Variants in NRXN3 observed in about 807,000 individuals in gnomAD.
The protein encoded by NRXN3 is neurexin 3.
In NRXN3, 32 loss-of-function variants were observed where a neutral mutation model predicts 137.6. That is an observed-to-expected ratio of 0.23 (90% CI 0.18 to 0.31). The LOEUF (loss-of-function observed/expected upper bound fraction) is 0.31, where lower values mean the gene tolerates loss of function less well. Among genes scored for constraint, NRXN3 ranks in the 10% least tolerant of loss-of-function variants. The pLI is 1.00. For missense variants in NRXN3, 1,574 were observed against 2,062.5 expected (o/e 0.76, Z 4.59); for synonymous variants, 798 against 784.5 (o/e 1.02, Z -0.29).
chr14:79,395,800 C>T (rs2095003488), intron 15 of NRXN3, among the ~76,000 whole-genome samples: 1 of 143,650 alleles, frequency 7.0e-6, no homozygotes, highest in South Asian at 2.2e-4. Flanking sequence ...CAGAGCTAGA[C>T]TCCATCTCAA....
In NRXN3 at chr14:79,742,043, CAG is replaced by C. The variant is rs1318957340; in HGVS notation, c.4014+44109_4014+44110del. ...AGCCACTATTTACCTTAAAATGAAA[CAG>C]AGGGGAGCCTGATATATAATTACGG... On this transcript the variant is annotated intron_variant, in intron 19 of 20. Transcript: ENST00000335750. 2.6e-5 allele frequency among the ~76,000 whole-genome samples: 4 copies of C among 152,254 alleles called. No homozygotes were observed. In the East Asian group the frequency reaches 7.7e-4, roughly 29 times the overall value.
intron 15 of NRXN3, among the ~76,000 whole-genome samples, chr14:79,073,194 A>G (rs1392328776): frequency 6.6e-6 from 1 of 152,006 alleles, no homozygotes; most frequent in African/African-American, 2.4e-5. Flanking sequence ...GCCCGTCTCT[A>G]AGTTATTTTC....
chr14:78,223,605 C>T (rs773036232), intron 1 of NRXN3, among the ~76,000 whole-genome samples: 7 of 152,134 alleles, frequency 4.6e-5, no homozygotes, highest in African/African-American at 7.2e-5. Context: ...CAGGTTTCAG[C>T]GTTGGGTTGT....
At chr14:78,255,293 A>ACT (rs1284307898) in intron 2 of NRXN3, among the ~76,000 whole-genome samples, 2 of 152,030 alleles carry the variant, frequency 1.3e-5, no homozygotes, top group Admixed American at 1.3e-4. Context: ...AGAGTCACCA[A>ACT]CTCGTCTGTG....
At chr14:78,454,094 G>A (rs2094620185) in intron 4 of NRXN3, among the ~76,000 whole-genome samples, 1 of 152,194 alleles carries the variant, frequency 6.6e-6, no homozygotes, top group Admixed American at 6.5e-5. Flanking sequence ...TATTAGATGA[G>A]AGTCTACTGT....
At chr14:78,895,623 G>A (rs2099171201) in intron 10 of NRXN3, among the ~76,000 whole-genome samples, 1 of 151,810 alleles carries the variant, frequency 6.6e-6, no homozygotes. Flanking sequence ...TCACAACTAG[G>A]TTAACTGTTT....
chr14:78,409,697 A>G (rs1412557700), intron 4 of NRXN3, among the ~76,000 whole-genome samples: 2 of 152,200 alleles, frequency 1.3e-5, no homozygotes, highest in African/African-American at 2.4e-5. Flanking sequence ...ATAGAATGCA[A>G]TGGCAGGCAC....
At chr14:79,729,446 T>C (rs1451668429) in intron 19 of NRXN3, among the ~76,000 whole-genome samples, 3 of 152,190 alleles carry the variant, frequency 2.0e-5, no homozygotes, top group African/African-American at 7.2e-5. Context: ...CTATTAAGGA[T>C]GCAAGAAAAT....
chr14:79,701,818 T>G (rs2098755684), intron 19 of NRXN3, among the ~76,000 whole-genome samples: 1 of 151,992 alleles, frequency 6.6e-6, no homozygotes, highest in Non-Finnish European at 1.5e-5. Flanking sequence ...TATTATAAAG[T>G]AGGGAGGGTG....
chr14:79,202,709 T>C (rs2066225778), intron 15 of NRXN3, among the ~76,000 whole-genome samples: 1 of 152,178 alleles, frequency 6.6e-6, no homozygotes, highest in South Asian at 2.1e-4. Context: ...ATGCTGTGAA[T>C]TCATTCCTTT....
At chr14:78,315,604 TTTGTTGTAGTTC>T (rs1281027135) in intron 4 of NRXN3, among the ~76,000 whole-genome samples, 1 of 152,234 alleles carries the variant, frequency 6.6e-6, no homozygotes, top group Non-Finnish European at 1.5e-5. Context: ...TACGTAGATT[TTTGTTGTAGTTC>T]TTGTTTTAAG....
At chr14:79,317,382 G>C (rs1205385482) in intron 15 of NRXN3, among the ~76,000 whole-genome samples, 1 of 152,160 alleles carries the variant, frequency 6.6e-6, no homozygotes, top group East Asian at 1.9e-4. Flanking sequence ...TCACGGCCTT[G>C]TTGTCACATG....
intron 4 of NRXN3, among the ~76,000 whole-genome samples, chr14:78,639,757 T>C (rs2097602154): frequency 6.6e-6 from 1 of 152,170 alleles, no homozygotes; most frequent in Non-Finnish European, 1.5e-5. Context: ...AGCAATGGAA[T>C]GAAAATCATA....
intron 19 of NRXN3, among the ~76,000 whole-genome samples, chr14:79,735,261 A>T (rs983224092): frequency 6.6e-6 from 1 of 152,238 alleles, no homozygotes; most frequent in Non-Finnish European, 1.5e-5. Flanking sequence ...TTGTACACCA[A>T]TCAGGGAAAA....
At chr14:79,769,836 T>A (rs554832741) in intron 19 of NRXN3, among the ~76,000 whole-genome samples, 100 of 152,074 alleles carry the variant, frequency 6.6e-4, no homozygotes, top group African/African-American at 2.2e-3. Flanking sequence ...GGCAAATTGG[T>A]TAAAGAGTCA....
intron 16 of NRXN3, among the ~76,000 whole-genome samples, chr14:79,606,269 CAAAT>C (rs1298200852): frequency 2.6e-5 from 4 of 152,038 alleles, no homozygotes; most frequent in African/African-American, 4.8e-5. Context: ...ACAAACCAAC[CAAAT>C]AAATAAATAA....
Position 79,458,975 on chromosome 14 carries a change from T to C in NRXN3, c.3263-8246T>C, listed in dbSNP as rs374275528. Among the ~76,000 whole-genome samples the C allele has an allele frequency of 1.7e-3, 262 of 152,268 alleles. 5 individuals carry two copies. The South Asian group carries it at 0.052, about 30-fold the overall frequency. On this transcript the variant is annotated intron_variant, in intron 15 of 20. Transcript: ENST00000335750. ...AGGATTGGGTTTTCATCTTGTTTGC[T>C]GTTTTTGTTTTGTTTTTAATTTTGG...
intron 1 of NRXN3, among the ~76,000 whole-genome samples, chr14:78,228,259 C>T (rs907032449): frequency 2.0e-5 from 3 of 150,528 alleles, no homozygotes; most frequent in South Asian, 4.2e-4. Context: ...CAGGTTCAAG[C>T]GATTCTCCTG....
chr14:78,617,328 A>G (rs1317256258), intron 4 of NRXN3, among the ~76,000 whole-genome samples: 1 of 152,140 alleles, frequency 6.6e-6, no homozygotes, highest in Non-Finnish European at 1.5e-5. Context: ...ATCCCACGTG[A>G]CCCATAGAGA....
Sources: gnomAD v4.1 joint callset for allele counts (sites outside exome capture counted in the v4.1 genomes callset) on GRCh38, gnomAD v4.1.1 for gene constraint, MANE v1.5 for transcripts, NCBI Gene and HGNC (gene_info 2026-07-23, HGNC 2026-07-21) for gene names.